FMN1: variants seen among roughly 807,000 people sequenced by gnomAD.
FMN1 encodes the protein formin-1.
FMN1 carries 110 observed loss-of-function variants against 132.4 expected under a neutral mutation model. The observed-to-expected ratio is 0.83, with a 90% CI of 0.71 to 0.97. FMN1 has a LOEUF of 0.97. FMN1 is among the 50% of genes least tolerant of loss of function. The pLI is 0.00. For missense variants in FMN1, 1,792 were observed against 1,705.3 expected (o/e 1.05, Z -0.90); for synonymous variants, 722 against 651.7 (o/e 1.11, Z -1.64).
Position 32,796,135 on chromosome 15 carries a change from A to C in FMN1, c.4130+2669T>G, listed in dbSNP as rs1165017169. On this transcript the variant is annotated intron_variant, in intron 19 of 20. Transcript: ENST00000616417. ...ATGCATTCATCTCAATTTTGTATCA[A>C]ACTAATGTGTACTCATGAAAACTAC... Among the ~76,000 whole-genome samples, 3 of 152,218 alleles carry C rather than the reference A, an allele frequency of 2.0e-5. No homozygotes were observed. In the East Asian group the frequency reaches 5.8e-4, roughly 29 times the overall value.
intron 4 of FMN1, among the ~76,000 whole-genome samples, chr15:33,105,568 G>C (rs774688199): frequency 6.6e-6 from 1 of 152,102 alleles, no homozygotes; most frequent in Non-Finnish European, 1.5e-5. Context: ...GGTAATGACT[G>C]GGGAAAGGTT....
At chr15:32,981,813 A>G (rs978545194) in intron 7 of FMN1, among the ~76,000 whole-genome samples, 1 of 152,086 alleles carries the variant, frequency 6.6e-6, no homozygotes, top group African/African-American at 2.4e-5. Flanking sequence ...TCAAAACACA[A>G]TATTGCACAC....
intron 15 of FMN1, among the ~76,000 whole-genome samples, chr15:32,896,784 T>C (rs1014171926): frequency 4.6e-5 from 7 of 152,192 alleles, no homozygotes; most frequent in African/African-American, 9.6e-5. Context: ...CTAGTACATA[T>C]ACGCATTTTC....
intron 7 of FMN1, among the ~76,000 whole-genome samples, chr15:32,987,559 T>G (rs1315128296): frequency 6.6e-6 from 1 of 152,088 alleles, no homozygotes; most frequent in African/African-American, 2.4e-5. Context: ...AGGACTGAGG[T>G]GTTTGAAAGA....
chr15:33,149,701 A>C (rs1019232277), intron 4 of FMN1: 1 of 814,164 alleles, frequency 1.2e-6, no homozygotes, highest in African/African-American at 1.9e-5. Flanking sequence ...TTTTCCCTCC[A>C]TTAATTTTAG....
At chr15:32,992,221 C>A (rs1011186382) in intron 7 of FMN1, among the ~76,000 whole-genome samples, 2 of 152,142 alleles carry the variant, frequency 1.3e-5, no homozygotes, top group African/African-American at 4.8e-5. Context: ...CAAGACTGAG[C>A]CACTTTTCTA....
At chr15:32,856,752 A>T (rs1445949330) in intron 17 of FMN1, among the ~76,000 whole-genome samples, 1 of 152,250 alleles carries the variant, frequency 6.6e-6, no homozygotes, top group African/African-American at 2.4e-5. Context: ...GAGACAAAAA[A>T]GTTTGTCCTC....
In FMN1 at chr15:33,150,111, T is replaced by C. The variant is rs376368712; in HGVS notation, c.1867+2937A>G. The C allele has an allele frequency of 2.4e-4, 232 of 985,434 alleles. No individual in the cohort carries two copies. In the Middle Eastern group the frequency reaches 3.7e-3, roughly 16 times the overall value. 61.0% of individuals were successfully genotyped at this position (985,434 alleles called of 1,614,324 possible). A position where few individuals can be genotyped will look rare whatever the true frequency, so the allele number is the denominator to read the frequency against. The stretch of plus-strand genomic sequence containing the variant: ...ACAACCACAGGATTACTCAAGAGCA[T>C]ACTAAAGATTGGGCATTTCCCAAGT... On this transcript the variant is annotated intron_variant, in intron 4 of 20. Transcript: ENST00000616417.
chr15:33,156,779 G>A (rs942903425), intron 3 of FMN1, among the ~76,000 whole-genome samples: 1 of 152,240 alleles, frequency 6.6e-6, no homozygotes, highest in East Asian at 1.9e-4. Flanking sequence ...AATATCCGCT[G>A]AGCACTAAGC....
At chr15:32,939,396 A>G (rs2061352204) in intron 9 of FMN1, among the ~76,000 whole-genome samples, 1 of 152,220 alleles carries the variant, frequency 6.6e-6, no homozygotes, top group African/African-American at 2.4e-5. Flanking sequence ...AGTGAAGAAA[A>G]CTGATGAAGA....
chr15:33,191,350 A>T (rs1441888464), intron 2 of FMN1, among the ~76,000 whole-genome samples: 9 of 152,224 alleles, frequency 5.9e-5, no homozygotes, highest in Non-Finnish European at 1.3e-4. Flanking sequence ...ACAAGTCAGT[A>T]TCAAGTTAAG....
intron 3 of FMN1, among the ~76,000 whole-genome samples, chr15:33,156,252 G>A (rs940959906): frequency 4.7e-5 from 7 of 148,116 alleles, no homozygotes; most frequent in African/African-American, 7.5e-5. Flanking sequence ...AATTGTATAT[G>A]GGGCTGTTCT....
chr15:33,024,313 C>T (rs2035568441), intron 6 of FMN1, among the ~76,000 whole-genome samples: 1 of 137,590 alleles, frequency 7.3e-6, no homozygotes. Flanking sequence ...GTGACGTGAT[C>T]TCGGCTCACT....
intron 9 of FMN1, among the ~76,000 whole-genome samples, chr15:32,927,612 A>AC (rs1327047633): frequency 6.6e-6 from 1 of 152,198 alleles, no homozygotes; most frequent in African/African-American, 2.4e-5. Context: ...TAGAAACTCC[A>AC]CATACCTCAT....
intron 3 of FMN1, among the ~76,000 whole-genome samples, chr15:33,175,137 C>T (rs1366194579): frequency 6.6e-6 from 1 of 152,128 alleles, no homozygotes; most frequent in Non-Finnish European, 1.5e-5. Context: ...GCAATCCTCC[C>T]ACCTCAGGCT....
At chr15:33,023,510 ATAG>A (rs1210341308) in intron 6 of FMN1, among the ~76,000 whole-genome samples, 1 of 152,214 alleles carries the variant, frequency 6.6e-6, no homozygotes, top group Non-Finnish European at 1.5e-5. Flanking sequence ...ACAAGAAACA[ATAG>A]TAGGTGATTG....
intron 5 of FMN1, among the ~76,000 whole-genome samples, chr15:33,073,919 C>T (rs138649215): frequency 6.6e-5 from 10 of 152,148 alleles, no homozygotes; most frequent in Admixed American, 2.6e-4. Flanking sequence ...TTTCTAGAGA[C>T]GGGGTTTCAC....
At chr15:32,913,062 C>T (rs967384688) in intron 10 of FMN1, among the ~76,000 whole-genome samples, 1 of 152,124 alleles carries the variant, frequency 6.6e-6, no homozygotes. Flanking sequence ...GTGATTTGTG[C>T]TGTAAATGCA....
At chr15:33,041,390 T>TA (rs35105966) in intron 6 of FMN1, among the ~76,000 whole-genome samples, 2,181 of 121,884 alleles carry the variant, frequency 0.018, 32 homozygotes, top group South Asian at 0.027. Flanking sequence ...CCTCACCAGT[T>TA]AAAAAAAAAA....
Sources: allele counts gnomAD v4.1 joint callset (sites outside exome capture counted in the v4.1 genomes callset), GRCh38; gene constraint gnomAD v4.1.1; transcripts MANE v1.5; gene names NCBI Gene and HGNC (gene_info 2026-07-23, HGNC 2026-07-21).